NRDC: variants seen among roughly 807,000 people sequenced by gnomAD.
NRDC encodes the protein nardilysin convertase.
In NRDC, 54 loss-of-function variants were observed where a neutral mutation model predicts 147.1. That is an observed-to-expected ratio of 0.37 (90% CI 0.29 to 0.46). NRDC has a LOEUF of 0.46. Among genes scored for constraint, NRDC ranks in the 20% least tolerant of loss-of-function variants. The pLI is 1.00. For missense variants in NRDC, 1,082 were observed against 1,370.6 expected (o/e 0.79, Z 3.33); for synonymous variants, 440 against 482.1 (o/e 0.91, Z 1.14).
intron 23 of NRDC, 28 bp downstream of exon 23, chr1:51,794,795 A>G (rs528307749): frequency 6.2e-7 from 1 of 1,613,416 alleles, no homozygotes; most frequent in African/African-American, 1.3e-5. Context: ...AGAACACATA[A>G]CCCCAAAGAG....
chr1:51,791,591 C>T lies in NRDC; in HGVS notation c.2947G>A (p.Ala983Thr). ...LGFSVTVGTQ[A>T]TKYNSEVVDK... is the part of the protein sequence containing the mutation. ...TCACTCACTCACTTGTATTTGGTTG[C>T]CTGAGTCCCCACAGTGACAGAAAAT... The change falls in exon 27 of 31, where the codon GCA becomes ACA. Residue 983 changes from alanine (A) to threonine (T), a missense_variant. By Grantham distance (58) the Ala-to-Thr change is moderately conservative. This residue lies in a region of NRDC where 635 missense variants were observed against 923.8 expected (regional missense o/e 0.69). Transcript: ENST00000352171. 1 of 1,612,872 alleles carries T rather than the reference C, an allele frequency of 6.2e-7. No individual in the cohort carries two copies. Among genetic ancestry groups the T allele is most frequent in the Non-Finnish European group, 8.5e-7 (1 of 1,178,844 alleles).
chr1:51,834,312 T>A, intron 3 of NRDC, 142 bp from the exon 4 acceptor site: 1 of 907,652 alleles, frequency 1.1e-6, no homozygotes, highest in South Asian at 1.7e-5. Flanking sequence ...CTTTTTTTTT[T>A]CTTTGAGACA....
At chr1:51,813,692 T>C (rs1679831718) in intron 14 of NRDC, among the ~76,000 whole-genome samples, 1 of 152,244 alleles carries the variant, frequency 6.6e-6, no homozygotes, top group Non-Finnish European at 1.5e-5. Context: ...AATTACCTTA[T>C]AGAATGTCTT....
At position 51,789,220 on chromosome 1, in the gene NRDC, CG is replaced by C. The variant is rs1557891961; in HGVS notation, c.*15del. Reference sequence around the variant, plus strand: ...TAAAATACACATTGCTTCAGGCCAACGTGACTGCAGTTTATTTATTTGACTA... The same window carrying C: ...TAAAATACACATTGCTTCAGGCCAACTGACTGCAGTTTATTTATTTGACTA... On this transcript the variant is annotated 3_prime_UTR_variant, in exon 31 of 31. Transcript: ENST00000352171. 1.9e-6 allele frequency: 3 copies of C among 1,609,274 alleles called. No homozygotes were observed. The highest frequency in any genetic ancestry group is 2.6e-6 in the Non-Finnish European group (3 of 1,175,822).
intron 5 of NRDC, among the ~76,000 whole-genome samples, chr1:51,826,334 T>C (rs188599568): frequency 2.0e-5 from 3 of 152,302 alleles, no homozygotes; most frequent in Admixed American, 1.3e-4. Context: ...ACAGGTAATA[T>C]AGCAGACATG....
intron 1 of NRDC, among the ~76,000 whole-genome samples, chr1:51,847,848 C>A (rs1681729261): frequency 6.6e-6 from 1 of 152,262 alleles, no homozygotes; most frequent in African/African-American, 2.4e-5. Context: ...GCCCCTCAAG[C>A]ACAGCCAGAG....
chr1:51,828,048 T>C (rs1680521894), intron 4 of NRDC, among the ~76,000 whole-genome samples, 179 bp from the exon 5 acceptor site: 1 of 152,238 alleles, frequency 6.6e-6, no homozygotes, highest in Non-Finnish European at 1.5e-5. Context: ...TTTAACTTTT[T>C]CATTGTGAAA....
intron 13 of NRDC, 51 bp from the exon 14 acceptor site, chr1:51,814,140 T>A: frequency 8.3e-7 from 1 of 1,208,226 alleles, no homozygotes; most frequent in South Asian, 1.2e-5. Flanking sequence ...TTCTGCCTAC[T>A]TGAGGGAGAA....
chr1:51,836,367 A>G (rs777461876), intron 2 of NRDC, 155 bp from the exon 3 acceptor site: 1 of 1,613,664 alleles, frequency 6.2e-7, no homozygotes. Flanking sequence ...AGTGAAACTC[A>G]CCAGAACTGT....
chr1:51,814,864 TACAG>T, intron 11 of NRDC, 51 bp from the exon 12 acceptor site: 1 of 1,493,350 alleles, frequency 6.7e-7, no homozygotes, highest in South Asian at 1.4e-5. Context: ...ATTGACAGTC[TACAG>T]ACATTCAAAT....
chr1:51,867,541 A>G (rs1029582909), intron 1 of NRDC, among the ~76,000 whole-genome samples: 2 of 152,198 alleles, frequency 1.3e-5, no homozygotes, highest in Admixed American at 1.3e-4. Context: ...GCCCTAGATA[A>G]TCCAAAATTT....
chr1:51,798,426 G>GAAAAAAA lies in NRDC; in HGVS notation c.2442-22_2442-16dup. The GAAAAAAA allele has an allele frequency of 6.5e-7, 1 of 1,547,980 alleles. No individual in the cohort carries two copies. The highest frequency in any genetic ancestry group is 1.9e-5 in the Admixed American group (1 of 52,100). The stretch of plus-strand genomic sequence containing the variant: ...GCCGTACATCTCTGTACAGAGGGCA[G>GAAAAAAA]AAAAAAAACACTCAAAGTTTTGTTA... On this transcript the variant is annotated splice_polypyrimidine_tract_variant and intron_variant, in intron 21 of 30. Transcript: ENST00000352171.
chr1:51,803,054 C>T (rs12063138), intron 20 of NRDC, among the ~76,000 whole-genome samples: 6,609 of 152,140 alleles, frequency 0.043, 460 homozygotes, highest in African/African-American at 0.15. Flanking sequence ...GACCCTGCTT[C>T]GGAAAGGTTC....
chr1:51,838,761 T>G (rs566718932), intron 2 of NRDC, among the ~76,000 whole-genome samples: 2 of 152,282 alleles, frequency 1.3e-5, no homozygotes, highest in East Asian at 1.9e-4. Context: ...TTTCTTCCTA[T>G]TAATGCTCTA....
At chr1:51,802,887 A>G (rs1474508521) in intron 20 of NRDC, among the ~76,000 whole-genome samples, 1 of 152,150 alleles carries the variant, frequency 6.6e-6, no homozygotes, top group Non-Finnish European at 1.5e-5. Context: ...CTAGATATAA[A>G]ATTTATTATT....
At chr1:51,849,450 A>AT (rs1571903163) in intron 1 of NRDC, among the ~76,000 whole-genome samples, 2 of 151,922 alleles carry the variant, frequency 1.3e-5, no homozygotes, top group East Asian at 3.9e-4. Context: ...ACCCAACAAG[A>AT]TTTTTTTGTG....
At chr1:51,866,588 T>C (rs1216134094) in intron 1 of NRDC, among the ~76,000 whole-genome samples, 3 of 151,446 alleles carry the variant, frequency 2.0e-5, no homozygotes, top group South Asian at 4.2e-4. Flanking sequence ...AATAGGAAAA[T>C]AGATAATAAC....
chr1:51,827,454 A>G (rs973733823), intron 5 of NRDC, among the ~76,000 whole-genome samples: 6 of 152,236 alleles, frequency 3.9e-5, no homozygotes, highest in Non-Finnish European at 8.8e-5. Context: ...TATGTAATTA[A>G]GGAATATTTA....
chr1:51,805,555 A>G lies in NRDC; in HGVS notation c.2117T>C (p.Ile706Thr), dbSNP rs533922038. The change falls in exon 19 of 31, where the codon ATA (isoleucine) becomes ACA (threonine). Residue 706 changes from isoleucine (I) to threonine (T), a missense_variant. This residue lies in a region of NRDC where 635 missense variants were observed against 923.8 expected (regional missense o/e 0.69). Coordinates refer to ENST00000352171, the MANE Select transcript of NRDC (RefSeq NM_001101662.2). ...DNKFKIPKAYIRFHLISPLIQ... is the reference protein window; with the variant it reads ...DNKFKIPKAYTRFHLISPLIQ... ...CAACGGTGAAATTAGATGGAAACGT[A>G]TATATGCTAAAAGAAAAAAGACCAT... 1.9e-6 allele frequency: 3 copies of G among 1,579,386 alleles called. No individual in the cohort carries two copies. The highest frequency in any genetic ancestry group is 2.3e-5 in the East Asian group (1 of 43,766).
Sources: allele counts gnomAD v4.1 joint callset (sites outside exome capture counted in the v4.1 genomes callset), GRCh38; gene constraint gnomAD v4.1.1; regional missense constraint gnomAD v4.1.1; transcripts MANE v1.5; gene names NCBI Gene and HGNC (gene_info 2026-07-23, HGNC 2026-07-21).